The following GPRIN3 variants were observed in gnomAD, a reference collection of about 807,000 sequenced individuals.
The protein encoded by GPRIN3 is GPRIN family member 3, also known as G protein-regulated inducer of neurite outgrowth 3.
A neutral mutation model predicts 13.7 loss-of-function variants in GPRIN3; 12 were observed. That is an observed-to-expected ratio of 0.87 (90% CI 0.56 to 1.42). The LOEUF (loss-of-function observed/expected upper bound fraction) is 1.42, where lower values mean the gene tolerates loss of function less well. Among genes scored for constraint, GPRIN3 ranks in the 40% most tolerant of loss-of-function variants. The pLI is 0.00. For missense variants in GPRIN3, 1,009 were observed against 958.7 expected, an observed-to-expected ratio of 1.05 and a Z score of -0.69; for synonymous variants, 377 against 372.7, an observed-to-expected ratio of 1.01 and a Z score of -0.13.
chr4:89,249,113 A>T lies in GPRIN3; in HGVS notation c.998T>A (p.Val333Asp), dbSNP rs766799069. 8.1e-6 allele frequency: 13 copies of T among 1,613,928 alleles called. No homozygotes were observed. Among genetic ancestry groups the T allele is most frequent in the Non-Finnish European group, 1.1e-5 (13 of 1,180,008 alleles). ...QAVASVESRS[V>D]STSPSILTAF... ...AGTGAGGATACTGGGGCTGGTGGAGACGGATCTGCTCTCGACACTCGCCAC... is the reference window on the plus strand; with the variant it reads ...AGTGAGGATACTGGGGCTGGTGGAGTCGGATCTGCTCTCGACACTCGCCAC... Residue 333 changes from valine to aspartate, a missense_variant, in exon 2 of 2, where the codon GTC becomes GAC. Physicochemically the swap from Val to Asp is radical, Grantham distance 152. Coordinates refer to ENST00000609438, the MANE Select transcript of GPRIN3 (RefSeq NM_198281.3).
At chr4:89,302,826 C>G (rs1724934944) in intron 1 of GPRIN3, among the ~76,000 whole-genome samples, 1 of 152,044 alleles carries the variant, frequency 6.6e-6, no homozygotes, top group African/African-American at 2.4e-5. Flanking sequence ...TTTGAACACT[C>G]TGATATGGAT....
chr4:89,239,529 A>G lies in GPRIN3; in HGVS notation c.*8251T>C, dbSNP rs929949881. 1.3e-5 allele frequency: 2 copies of G among 152,214 alleles called. No individual in the cohort carries two copies. Among genetic ancestry groups the G allele is most frequent in the Admixed American group, 6.5e-5 (1 of 15,270 alleles). 9.4% of individuals were successfully genotyped at this position (152,214 alleles called of 1,614,324 possible). On this transcript the variant is annotated 3_prime_UTR_variant, in exon 2 of 2. Transcript: ENST00000609438. Reference sequence around the variant, plus strand: ...TTAATCTTTTATTTTTATTTAATATACAACGATGGCACATTCGTTCTCTAA... The same window carrying G: ...TTAATCTTTTATTTTTATTTAATATGCAACGATGGCACATTCGTTCTCTAA...
chr4:89,295,562 A>C (rs1724709450), intron 1 of GPRIN3, among the ~76,000 whole-genome samples: 1 of 152,182 alleles, frequency 6.6e-6, no homozygotes, highest in Non-Finnish European at 1.5e-5. Context: ...GGGGGAGATA[A>C]CAAGGGCCCG....
intron 1 of GPRIN3, among the ~76,000 whole-genome samples, chr4:89,305,532 C>T (rs1725010493): frequency 6.6e-6 from 1 of 152,106 alleles, no homozygotes; most frequent in Non-Finnish European, 1.5e-5. Flanking sequence ...GGAGCAGCTG[C>T]CAATGAAAGA....
At chr4:89,283,038 A>C (rs769361871) in intron 1 of GPRIN3, among the ~76,000 whole-genome samples, 27 of 152,204 alleles carry the variant, frequency 1.8e-4, no homozygotes, top group Admixed American at 4.6e-4. Flanking sequence ...AAAAAGACCG[A>C]TTGTTATTAA....
Position 89,249,268 on chromosome 4 carries a change from T to C in GPRIN3, c.843A>G (p.Pro281=). 1 of 1,614,092 alleles carries C rather than the reference T, an allele frequency of 6.2e-7. No individual in the cohort carries two copies. Among genetic ancestry groups the C allele is most frequent in the Non-Finnish European group, 8.5e-7 (1 of 1,180,022 alleles). The change falls in exon 2 of 2, where the codon CCA becomes CCG. Residue 281 remains proline (P), a synonymous_variant. Transcript: ENST00000609438. ...GCTGTGCTGGCAGCGGCACCTTCTC[T>C]GGACCTGGGGGACATGCCGAAGGTT... The part of the protein sequence containing the change: ...TSEPSACPPG[P]EKVPLPAQRQ...
intron 1 of GPRIN3, among the ~76,000 whole-genome samples, chr4:89,292,631 A>G (rs1724606578): frequency 6.6e-6 from 1 of 152,228 alleles, no homozygotes; most frequent in Non-Finnish European, 1.5e-5. Context: ...CAGAAGACAC[A>G]GAGGCCAACC....
At position 89,248,145 on chromosome 4, in the gene GPRIN3, C is replaced by G; in HGVS notation, c.1966G>C (p.Val656Leu). The G allele has an allele frequency of 6.2e-7, 1 of 1,614,110 alleles. No homozygotes were observed. The change falls in exon 2 of 2, where the codon GTA becomes CTA. Residue 656 changes from valine to leucine, a missense_variant. Coordinates refer to ENST00000609438, the MANE Select transcript of GPRIN3 (RefSeq NM_198281.3). The part of the protein sequence containing the change: ...KLNVTAAAAQ[V>L]GLTPGDKKKQ... ...TTCTTATCTCCTGGAGTGAGTCCTA[C>G]CTGAGCAGCAGCTGCTGTCACATTT...
intron 1 of GPRIN3, among the ~76,000 whole-genome samples, chr4:89,295,989 A>T (rs1410426806): frequency 6.6e-6 from 1 of 152,188 alleles, no homozygotes; most frequent in Non-Finnish European, 1.5e-5. Flanking sequence ...TTTTAAAAAT[A>T]TACTTTGAAA....
intron 1 of GPRIN3, among the ~76,000 whole-genome samples, chr4:89,265,603 C>T (rs1723759711): frequency 6.6e-6 from 1 of 152,060 alleles, no homozygotes; most frequent in Admixed American, 6.6e-5. Context: ...ATATGTTGAC[C>T]TTGCGGACTA....
chr4:89,239,960 C>G lies in GPRIN3; in HGVS notation c.*7820G>C, dbSNP rs575141252. ...TGCAGGTGTGAGCCACCACGCCCAG[C>G]CTCCATGCATATTTTCAATCTGATA... is the stretch of plus-strand genomic sequence containing the variant. On this transcript the variant is annotated 3_prime_UTR_variant, in exon 2 of 2. Coordinates refer to ENST00000609438, the MANE Select transcript of GPRIN3 (RefSeq NM_198281.3). 6.6e-6 allele frequency: 1 copy of G among 152,254 alleles called. No homozygotes were observed. Among genetic ancestry groups the G allele is most frequent in the South Asian group, 2.1e-4 (1 of 4,822 alleles). The allele number at this position is 152,254 out of a possible 1,614,324, so 9.4% of individuals were successfully genotyped here.
chr4:89,284,895 T>A (rs918893545), intron 1 of GPRIN3, among the ~76,000 whole-genome samples: 1 of 152,234 alleles, frequency 6.6e-6, no homozygotes, highest in African/African-American at 2.4e-5. Context: ...GCCTGAATTC[T>A]GCTAATAGGC....
chr4:89,274,404 GTC>G (rs1312487738), intron 1 of GPRIN3, among the ~76,000 whole-genome samples: 1 of 152,116 alleles, frequency 6.6e-6, no homozygotes, highest in African/African-American at 2.4e-5. Context: ...GGGTTCCAGG[GTC>G]TCTTTCCAGG....
intron 1 of GPRIN3, 59 bp from the exon 2 acceptor site, chr4:89,250,292 A>C: frequency 8.1e-7 from 1 of 1,240,616 alleles, no homozygotes; most frequent in Non-Finnish European, 1.0e-6. Flanking sequence ...TTGAAAAATA[A>C]ACCAAACTGT....
chr4:89,256,893 T>C (rs1578079863), intron 1 of GPRIN3, among the ~76,000 whole-genome samples: 1 of 152,194 alleles, frequency 6.6e-6, no homozygotes, highest in Non-Finnish European at 1.5e-5. Context: ...TTGCTCCCTT[T>C]AATTGGGAAC....
chr4:89,249,600 TTGGTTTCTCAGGTTGC>T lies in GPRIN3; in HGVS notation c.495_510del (p.Gln166ValfsTer33), dbSNP rs763295247. The stretch of plus-strand genomic sequence containing the variant: ...CTGAGGACGCCTCCCACAGGACAAC[TTGGTTTCTCAGGTTGC>T]TCTCTATTTGAGGTTCTCTGTGATC... On this transcript the variant is annotated frameshift_variant, in exon 2 of 2. Coordinates refer to ENST00000609438, the MANE Select transcript of GPRIN3 (RefSeq NM_198281.3). LOFTEE classifies it low-confidence loss of function (END_TRUNC). The T allele has an allele frequency of 5.6e-6, 9 of 1,614,004 alleles. No homozygotes were observed. In the East Asian group the frequency reaches 1.6e-4, roughly 28 times the overall value.
At chr4:89,268,351 G>A (rs1723838959) in intron 1 of GPRIN3, among the ~76,000 whole-genome samples, 1 of 152,192 alleles carries the variant, frequency 6.6e-6, no homozygotes, top group Admixed American at 6.5e-5. Flanking sequence ...TGGCATGTAG[G>A]AAGCAAGGCT....
chr4:89,271,183 T>C (rs563369458), intron 1 of GPRIN3, among the ~76,000 whole-genome samples: 11 of 152,148 alleles, frequency 7.2e-5, no homozygotes, highest in Non-Finnish European at 1.5e-4. Context: ...ACAATAATCC[T>C]AGGAGGTAGA....
intron 1 of GPRIN3, among the ~76,000 whole-genome samples, chr4:89,298,719 A>T (rs922414152): frequency 2.0e-5 from 3 of 152,028 alleles, no homozygotes; most frequent in African/African-American, 7.2e-5. Flanking sequence ...TTATTAAATG[A>T]TCCAAAGAAT....
Sources: gnomAD v4.1 joint callset for allele counts (sites outside exome capture counted in the v4.1 genomes callset) on GRCh38, gnomAD v4.1.1 for gene constraint, MANE v1.5 for transcripts, NCBI Gene and HGNC (gene_info 2026-07-23, HGNC 2026-07-21) for gene names.